The following DIAPH2 variants were observed in gnomAD, a reference collection of about 807,000 sequenced individuals.
The protein encoded by DIAPH2 is diaphanous related formin 2, also known as protein diaphanous homolog 2.
A neutral mutation model predicts 92.7 loss-of-function variants in DIAPH2; 35 were observed. The ratio of observed to expected loss-of-function variants is 0.38; its 90% CI spans 0.29 to 0.50. DIAPH2 has a LOEUF of 0.50. Ranked by LOEUF, DIAPH2 falls within the 20% of genes least tolerant of loss-of-function variation. The pLI is 0.94. For missense variants in DIAPH2, 701 were observed against 819.5 expected (o/e 0.86, Z 1.77); for synonymous variants, 301 against 280.4 (o/e 1.07, Z -0.73).
intron 19 of DIAPH2, among the ~76,000 whole-genome samples, chrX:97,093,500 A>AT (rs1024180910): frequency 1.8e-5 from 2 of 112,116 alleles, no homozygotes; most frequent in Non-Finnish European, 3.8e-5. Context: ...AGACATGGGC[A>AT]TACATACTTT....
At chrX:97,541,810 A>T (rs1385723606) in intron 26 of DIAPH2, among the ~76,000 whole-genome samples, 1 of 112,462 alleles carries the variant, frequency 8.9e-6, no homozygotes, top group East Asian at 2.8e-4. Context: ...TGCCCTGGAC[A>T]AGAGAGTGGA....
intron 26 of DIAPH2, among the ~76,000 whole-genome samples, chrX:97,550,800 C>A (rs1569422413): frequency 9.0e-6 from 1 of 111,614 alleles, no homozygotes; most frequent in Non-Finnish European, 1.9e-5. Context: ...ATTTTAACTA[C>A]TCTTCTCTGG....
At chrX:96,836,694 T>C (rs1454739996) in intron 4 of DIAPH2, among the ~76,000 whole-genome samples, 26 of 18,348 alleles carry the variant, frequency 1.4e-3, no homozygotes, top group African/African-American at 6.3e-3. Context: ...GGTATATATA[T>C]ATATATATAT....
intron 7 of DIAPH2, 55 bp from the exon 8 acceptor site, chrX:96,916,383 T>G: frequency 1.9e-6 from 2 of 1,047,586 alleles, no homozygotes; most frequent in South Asian, 5.8e-5. Context: ...CTTTTTTAAA[T>G]TAAAGATATA....
At chrX:97,179,844 A>G (rs1385846590) in intron 22 of DIAPH2, among the ~76,000 whole-genome samples, 1 of 112,054 alleles carries the variant, frequency 8.9e-6, no homozygotes, top group Non-Finnish European at 1.9e-5. Flanking sequence ...CATCACAGGC[A>G]CTTTCTGCAT....
At chrX:97,348,607 G>A (rs146716728) in intron 24 of DIAPH2, among the ~76,000 whole-genome samples, 193 of 111,881 alleles carry the variant, frequency 1.7e-3, no homozygotes, top group African/African-American at 5.5e-3. Context: ...TTCACGTAGC[G>A]TAAACATTAA....
At chrX:96,944,549 G>T (rs945201339) in intron 13 of DIAPH2, among the ~76,000 whole-genome samples, 3 of 111,659 alleles carry the variant, frequency 2.7e-5, no homozygotes, top group African/African-American at 9.7e-5. Flanking sequence ...GGATATTACT[G>T]ATCTCTCTCT....
chrX:97,021,173 C>T (rs1005625437), intron 17 of DIAPH2, among the ~76,000 whole-genome samples: 1 of 111,669 alleles, frequency 9.0e-6, no homozygotes, highest in East Asian at 2.8e-4. Context: ...CTCTTAGTGT[C>T]CTTAGGGACT....
chrX:96,714,497 C>T (rs932193644), intron 1 of DIAPH2, among the ~76,000 whole-genome samples: 3 of 110,764 alleles, frequency 2.7e-5, no homozygotes, highest in East Asian at 2.8e-4. Context: ...CTCCTGACCT[C>T]GGGTCATCCA....
intron 4 of DIAPH2, among the ~76,000 whole-genome samples, chrX:96,773,002 C>T (rs1602495273): frequency 8.9e-6 from 1 of 111,772 alleles, no homozygotes; most frequent in Admixed American, 9.5e-5. Context: ...GTGTCTGTAT[C>T]CAAGATATAA....
intron 23 of DIAPH2, among the ~76,000 whole-genome samples, chrX:97,309,749 A>G (rs753977171): frequency 8.9e-6 from 1 of 112,429 alleles, no homozygotes; most frequent in East Asian, 2.8e-4. Flanking sequence ...AACATTAAAT[A>G]TAAGTTATAC....
intron 17 of DIAPH2, among the ~76,000 whole-genome samples, chrX:97,031,712 A>G (rs771098465): frequency 3.6e-4 from 40 of 111,620 alleles, no homozygotes; most frequent in Non-Finnish European, 7.3e-4. Flanking sequence ...TAGGTAATCA[A>G]TTATTATCAT....
At chrX:96,893,100 A>G (rs1176290023) in intron 5 of DIAPH2, among the ~76,000 whole-genome samples, 1 of 112,184 alleles carries the variant, frequency 8.9e-6, no homozygotes, top group Non-Finnish European at 1.9e-5. Flanking sequence ...TCTTGGGCAC[A>G]TACTAGAGTT....
intron 26 of DIAPH2, among the ~76,000 whole-genome samples, chrX:97,440,114 G>T (rs2070237916): frequency 9.0e-6 from 1 of 111,374 alleles, no homozygotes; most frequent in South Asian, 3.8e-4. Flanking sequence ...CCACACACTG[G>T]TATTACTTTG....
At chrX:97,280,106 G>A (rs1018699309) in intron 23 of DIAPH2, among the ~76,000 whole-genome samples, 2 of 111,181 alleles carry the variant, frequency 1.8e-5, no homozygotes, top group African/African-American at 6.5e-5. Context: ...AGATAGGAGA[G>A]GTAAATAAGC....
intron 17 of DIAPH2, among the ~76,000 whole-genome samples, chrX:96,981,027 G>A (rs957026950): frequency 1.4e-4 from 14 of 99,323 alleles, no homozygotes; most frequent in South Asian, 8.9e-4. Flanking sequence ...AAAAAAATTG[G>A]CCAGGCATGG....
chrX:97,096,613 C>A, intron 19 of DIAPH2, among the ~76,000 whole-genome samples: 1 of 111,265 alleles, frequency 9.0e-6, no homozygotes, highest in East Asian at 2.8e-4. Context: ...GTATTGAAGC[C>A]TTCTAGGTGC....
At position 97,601,333 on chromosome X, in the gene DIAPH2, C is replaced by A. The variant is rs2071594293; in HGVS notation, c.*2016C>A. ...ATACTGATATGTATCATCACCTTTT[C>A]CAGATACAAACTTGCCTTATTTTCT... On this transcript the variant is annotated 3_prime_UTR_variant, in exon 27 of 27. Transcript: ENST00000324765. The A allele has an allele frequency of 9.0e-6, 1 of 111,422 alleles. No individual in the cohort carries two copies. The highest frequency in any genetic ancestry group is 3.8e-4 in the South Asian group (1 of 2,611). The allele number at this position is 111,422 out of a possible 1,213,427, so 9.2% of individuals were successfully genotyped here.
intron 25 of DIAPH2, among the ~76,000 whole-genome samples, chrX:97,394,775 G>A (rs1222662726): frequency 8.9e-6 from 1 of 112,160 alleles, no homozygotes. Context: ...TCCCATTGTA[G>A]CAATCATCAA....
Sources: allele counts gnomAD v4.1 joint callset (sites outside exome capture counted in the v4.1 genomes callset), GRCh38; gene constraint gnomAD v4.1.1; transcripts MANE v1.5; gene names NCBI Gene and HGNC (gene_info 2026-07-23, HGNC 2026-07-21).